The following ANKRD33 variants were observed in gnomAD, a reference collection of about 807,000 sequenced individuals.
ANKRD33 encodes ankyrin repeat domain 33.
ANKRD33 carries 20 observed loss-of-function variants against 20.6 expected under a neutral mutation model. That is an observed-to-expected ratio of 0.97 (90% confidence interval 0.68 to 1.41). The LOEUF (loss-of-function observed/expected upper bound fraction) is 1.41, where lower values mean the gene tolerates loss of function less well. ANKRD33 is among the 40% of genes most tolerant of loss of function. The pLI, the probability that ANKRD33 is intolerant of heterozygous loss-of-function variation, is 0.00. For missense variants in ANKRD33, 545 were observed against 579.6 expected, an observed-to-expected ratio of 0.94 and a Z score of 0.61; for synonymous variants, 246 against 245.0, an observed-to-expected ratio of 1.00 and a Z score of -0.04.
intron 4 of ANKRD33, chr12:51,890,110 G>C (rs964212740): frequency 2.3e-5 from 6 of 257,752 alleles, no homozygotes; most frequent in Non-Finnish European, 4.7e-5. Flanking sequence ...GAGTGAAAAA[G>C]GAGTGAATGA....
chr12:51,890,865 C>CCACA lies in ANKRD33; in HGVS notation c.919_920insCACA (p.His307ProfsTer25). On this transcript the variant is annotated frameshift_variant, in exon 5 of 5. Transcript: ENST00000301190. LOFTEE classifies it low-confidence loss of function (END_TRUNC). ...TCCTCAGGAGGGGGGTGTTCTGGACCACCTTGTGACTGCCACAACCAGCCT... is the reference window on the plus strand; with the variant it reads ...TCCTCAGGAGGGGGGTGTTCTGGACCCACAACCTTGTGACTGCCACAACCAGCCT... 6.2e-7 allele frequency: 1 copy of CCACA among 1,613,230 alleles called. No individual in the cohort carries two copies. The highest frequency in any genetic ancestry group is 8.5e-7 in the Non-Finnish European group (1 of 1,179,942).
Position 51,890,665 on chromosome 12 carries a change from T to C in ANKRD33, c.719T>C (p.Val240Ala), listed in dbSNP as rs1450821335. The C allele has an allele frequency of 2.5e-6, 4 of 1,606,882 alleles. No individual in the cohort carries two copies. Among genetic ancestry groups the C allele is most frequent in the Non-Finnish European group, 3.4e-6 (4 of 1,179,966 alleles). The change falls in exon 5 of 5, where the codon GTG becomes GCG. Residue 240 changes from valine (V) to alanine (A), a missense_variant. Physicochemically the swap from Val to Ala is moderately conservative, Grantham distance 64 (BLOSUM62 0). Coordinates refer to ENST00000301190, the MANE Select transcript of ANKRD33 (RefSeq NM_182608.4). ...GTGCTGACCGACAGCTTCGACACCGTGTGGAGGATTCGGCAGCTGCTGAGG... is the reference window on the plus strand; with the variant it reads ...GTGCTGACCGACAGCTTCGACACCGCGTGGAGGATTCGGCAGCTGCTGAGG... ...WAVLTDSFDT[V>A]WRIRQLLRRP...
chr12:51,890,442 G>C, intron 4 of ANKRD33, 142 bp from the exon 5 acceptor site: 1 of 1,531,252 alleles, frequency 6.5e-7, no homozygotes, highest in Non-Finnish European at 8.7e-7. Flanking sequence ...TGCAACACTG[G>C]CCTCCCTGAT....
Position 51,888,116 on chromosome 12 carries a change from C to A in ANKRD33, c.-71C>A. 1 of 1,567,142 alleles carries A rather than the reference C, an allele frequency of 6.4e-7. No homozygotes were observed. On this transcript the variant is annotated 5_prime_UTR_variant, in exon 1 of 5. Transcript: ENST00000301190. ...GAGTCCGCTCCTGAGACGTGACCAC[C>A]CGCCCCGCATGGGGCCCCAGTCCCA...
chr12:51,888,950 G>A, intron 2 of ANKRD33, 117 bp from the exon 3 acceptor site: 1 of 1,583,480 alleles, frequency 6.3e-7, no homozygotes, highest in Non-Finnish European at 8.6e-7. Flanking sequence ...GAATGGTTAA[G>A]GGCGGGTCTT....
At position 51,888,829 on chromosome 12, in the gene ANKRD33, C is replaced by T; in HGVS notation, c.396+11C>T. On this transcript the variant is annotated intron_variant, in intron 2 of 4. Coordinates refer to ENST00000301190, the MANE Select transcript of ANKRD33 (RefSeq NM_182608.4). ...GACAGCAATGGGAGGGTGAGATGTCCTGGCTTCCCAGAACAGCTGGGGGCA... is the reference window on the plus strand; with the variant it reads ...GACAGCAATGGGAGGGTGAGATGTCTTGGCTTCCCAGAACAGCTGGGGGCA... 1.2e-6 allele frequency: 2 copies of T among 1,612,072 alleles called. No homozygotes were observed. The highest frequency in any genetic ancestry group is 1.7e-6 in the Non-Finnish European group (2 of 1,179,820).
At chr12:51,889,518 C>T (rs4762026) in intron 4 of ANKRD33, 36 bp downstream of exon 4, 352,166 of 1,607,734 alleles carry the variant, frequency 0.22, 40,236 homozygotes, top group Admixed American at 0.31. Flanking sequence ...GGCAGGTGTG[C>T]GGGGCCTGGA....
At position 51,889,087 on chromosome 12, in the gene ANKRD33, C is replaced by A; in HGVS notation, c.417C>A (p.Cys139Ter). ...SNGRTGLMVA[C>*]YHGFQSVVAL... Reference sequence around the variant, plus strand: ...CTCAGACAGGCCTCATGGTCGCATGCTACCACGGCTTCCAGAGTGTTGTGG... The same window carrying A: ...CTCAGACAGGCCTCATGGTCGCATGATACCACGGCTTCCAGAGTGTTGTGG... The change falls in exon 3 of 5, where the codon TGC becomes TGA. Residue 139 changes from cysteine to a stop codon, truncating the protein, a stop_gained. Coordinates refer to ENST00000301190, the MANE Select transcript of ANKRD33 (RefSeq NM_182608.4). LOFTEE classifies it high-confidence loss of function. The A allele has an allele frequency of 6.2e-7, 1 of 1,614,184 alleles. No homozygotes were observed. Among genetic ancestry groups the A allele is most frequent in the Non-Finnish European group, 8.5e-7 (1 of 1,180,008 alleles).
intron 4 of ANKRD33, chr12:51,890,236 A>C (rs1940369237): frequency 2.3e-6 from 1 of 439,102 alleles, no homozygotes; most frequent in African/African-American, 2.0e-5. Flanking sequence ...GAACCAGCCG[A>C]TCATCCCCAC....
rs751225972 is a variant in ANKRD33 at position 51,891,255 on chromosome 12, A to C, written c.1309A>C (p.Arg437=). Reference sequence around the variant, plus strand: ...TCCTCTCTGGCGATACCAGGAGCTCAGGATAGAGAAGAGGAAACAGGAGGA... The same window carrying C: ...TCCTCTCTGGCGATACCAGGAGCTCCGGATAGAGAAGAGGAAACAGGAGGA... ...ALPLWRYQEL[R]IEKRKQEEEA... The change falls in exon 5 of 5, where the codon AGG becomes CGG. Residue 437 remains arginine (R), a synonymous_variant. Transcript: ENST00000301190. 34 of 1,614,142 alleles carry C rather than the reference A, an allele frequency of 2.1e-5. No homozygotes were observed. Among genetic ancestry groups the C allele is most frequent in the Non-Finnish European group, 2.6e-5 (31 of 1,180,056 alleles).
chr12:51,889,865 A>T lies in ANKRD33; in HGVS notation c.637+383A>T, dbSNP rs1195229483. ...GCCTCACCAGTATTGTGAGGGTGTT[A>T]GCTTTCCCTGGGACTACCTCCAACT... On this transcript the variant is annotated intron_variant, in intron 4 of 4. Coordinates refer to ENST00000301190, the MANE Select transcript of ANKRD33 (RefSeq NM_182608.4). 5.4e-5 allele frequency: 14 copies of T among 257,388 alleles called. 1 individual carries two copies. The highest frequency in any genetic ancestry group is 1.4e-3 in the Middle Eastern group (1 of 718). 15.9% of individuals were successfully genotyped at this position (257,388 alleles called of 1,614,324 possible).
rs1049783185 is a variant in ANKRD33, at chr12:51,891,527, G to A, written c.*222G>A. On this transcript the variant is annotated 3_prime_UTR_variant, in exon 5 of 5. Coordinates refer to ENST00000301190, the MANE Select transcript of ANKRD33 (RefSeq NM_182608.4). ...TAAGGGACAGGCTAGATTGATTACG[G>A]ATGTAATTGCTGTCCATCCATACAG... The A allele has an allele frequency of 4.2e-6, 3 of 719,794 alleles. No homozygotes were observed. In the African/African-American group the frequency reaches 5.3e-5, roughly 13 times the overall value. 44.6% of individuals were successfully genotyped at this position (719,794 alleles called of 1,614,324 possible).
chr12:51,889,597 T>G, intron 4 of ANKRD33, 115 bp downstream of exon 4: 1 of 1,472,314 alleles, frequency 6.8e-7, no homozygotes, highest in Non-Finnish European at 9.0e-7. Context: ...TGTGATTATT[T>G]GCAGAAAGGA....
Position 51,890,992 on chromosome 12 carries a change from C to A in ANKRD33, c.1046C>A (p.Ala349Asp), listed in dbSNP as rs1233907963. ...TCCGTGCCAGAGCTGTTAGGTACTG[C>A]CCCGCCCCCTCCCCTGGTTCCCCAG... ...SKSVPELLGT[A>D]PPPPLVPQSP... is the part of the protein sequence containing the mutation. The change falls in exon 5 of 5, where the codon GCC becomes GAC. Residue 349 changes from alanine (A) to aspartate (D), a missense_variant. Physicochemically the swap from Ala to Asp is moderately radical, Grantham distance 126. Coordinates refer to ENST00000301190, the MANE Select transcript of ANKRD33 (RefSeq NM_182608.4). The A allele has an allele frequency of 1.2e-6, 2 of 1,613,466 alleles. No homozygotes were observed. Among genetic ancestry groups the A allele is most frequent in the Non-Finnish European group, 1.7e-6 (2 of 1,179,914 alleles).
At position 51,890,854 on chromosome 12, in the gene ANKRD33, G is replaced by T; in HGVS notation, c.908G>T (p.Gly303Val). 1 of 1,612,936 alleles carries T rather than the reference G, an allele frequency of 6.2e-7. No homozygotes were observed. Residue 303 changes from glycine (G) to valine (V), a missense_variant, in exon 5 of 5, where the codon GGT becomes GTT. Gly to Val is a moderately radical substitution (Grantham distance 109, BLOSUM62 -3). Coordinates refer to ENST00000301190, the MANE Select transcript of ANKRD33 (RefSeq NM_182608.4). ...LPFAPSPQEG[G>V]VLDHLVTATT... ...TTTGCCCCGTCTCCTCAGGAGGGGG[G>T]TGTTCTGGACCACCTTGTGACTGCC...
At chr12:51,889,743 T>A in intron 4 of ANKRD33, 1 of 642,524 alleles carries the variant, frequency 1.6e-6, no homozygotes, top group South Asian at 2.3e-5. Flanking sequence ...AAGGAAAGTG[T>A]GGGAGGGGAA....
Position 51,888,760 on chromosome 12 carries a change from C to T in ANKRD33, c.338C>T (p.Ala113Val), listed in dbSNP as rs200955293. 14 of 1,613,958 alleles carry T rather than the reference C, an allele frequency of 8.7e-6. No individual in the cohort carries two copies. The highest frequency in any genetic ancestry group is 1.3e-5 in the African/African-American group (1 of 74,932). Residue 113 changes from alanine to valine, a missense_variant, in exon 2 of 5, where the codon GCC becomes GTC. Coordinates refer to ENST00000301190, the MANE Select transcript of ANKRD33 (RefSeq NM_182608.4). ...CVHNDPTQLQAILDGGVSPEE... is the reference protein window; with the variant it reads ...CVHNDPTQLQVILDGGVSPEE... ...CACAATGATCCCACCCAGCTCCAAG[C>T]CATACTGGATGGTGGGGTCTCCCCA...
Position 51,891,025 on chromosome 12 carries a change from C to T in ANKRD33, c.1079C>T (p.Pro360Leu). 6.2e-7 allele frequency: 1 copy of T among 1,613,958 alleles called. No individual in the cohort carries two copies. Among genetic ancestry groups the T allele is most frequent in the Non-Finnish European group, 8.5e-7 (1 of 1,180,008 alleles). Residue 360 changes from proline to leucine, a missense_variant, in exon 5 of 5, where the codon CCA becomes CTA. Pro to Leu is a moderately conservative substitution (Grantham distance 98). Coordinates refer to ENST00000301190, the MANE Select transcript of ANKRD33 (RefSeq NM_182608.4). ...PPPPLVPQSP[P>L]GSPQRSPWVF... The stretch of plus-strand genomic sequence containing the variant: ...CCTCCCCTGGTTCCCCAGTCCCCGC[C>T]AGGGAGTCCCCAGAGGTCCCCGTGG...
chr12:51,890,018 C>T (rs531306171), intron 4 of ANKRD33: 4 of 223,856 alleles, frequency 1.8e-5, no homozygotes, highest in East Asian at 1.1e-4. Context: ...CCTTCTTCCC[C>T]GCAGTGGGGC....
Sources: gnomAD v4.1 joint callset for allele counts on GRCh38, gnomAD v4.1.1 for gene constraint, MANE v1.5 for transcripts, NCBI Gene and HGNC (gene_info 2026-07-23, HGNC 2026-07-21) for gene names.